The following TSHR variants were observed in gnomAD, a reference collection of about 807,000 sequenced individuals.
TSHR encodes thyroid stimulating hormone receptor.
A neutral mutation model predicts 64.1 loss-of-function variants in TSHR; 51 were observed. The observed-to-expected ratio is 0.80, with a 90% CI of 0.64 to 1.01. The LOEUF is 1.01. Among genes scored for constraint, TSHR ranks in the 50% least tolerant of loss-of-function variants. The probability of loss-of-function intolerance (pLI) is 0.00; values close to 1 mark genes in which losing one functional copy is unlikely to be tolerated. For synonymous variants in TSHR, 361 were observed against 361.9 expected (o/e 1.00, Z 0.03); for missense variants, 877 against 942.8 (o/e 0.93, Z 0.91).
chr14:81,126,671 A>G (rs538081268), intron 8 of TSHR, among the ~76,000 whole-genome samples: 2 of 152,308 alleles, frequency 1.3e-5, no homozygotes, highest in East Asian at 3.9e-4. Context: ...TAAATTCTGA[A>G]CCATTTTATT....
At chr14:81,118,489 AAGG>A (rs1196781855) in intron 8 of TSHR, among the ~76,000 whole-genome samples, 1 of 148,904 alleles carries the variant, frequency 6.7e-6, no homozygotes, top group African/African-American at 2.5e-5. Context: ...GGACCTCTTC[AAGG>A]AGAACTACAA....
chr14:81,056,093 A>C (rs1441404919), intron 1 of TSHR, among the ~76,000 whole-genome samples: 1 of 152,130 alleles, frequency 6.6e-6, no homozygotes, highest in Non-Finnish European at 1.5e-5. Flanking sequence ...TTCTCATGAT[A>C]GTGAATAAGC....
At chr14:81,093,729 G>A (rs981235815) in intron 6 of TSHR, 3 of 152,218 alleles carry the variant, frequency 2.0e-5, no homozygotes, top group African/African-American at 7.2e-5. Flanking sequence ...ACAACCTGGT[G>A]AGCGGTCCCT....
At chr14:80,958,606 G>A (rs1886840821) in intron 1 of TSHR, among the ~76,000 whole-genome samples, 1 of 152,116 alleles carries the variant, frequency 6.6e-6, no homozygotes, top group African/African-American at 2.4e-5. Flanking sequence ...TGGAAGAGAG[G>A]CAAGGAGGAC....
rs991954183 is a variant in TSHR, at chr14:81,103,079, C to G, written c.615-5296C>G. The G allele has an allele frequency of 5.1e-6, 5 of 985,104 alleles. No individual in the cohort carries two copies. The African/African-American group carries it at 8.7e-5, about 17-fold the overall frequency. The allele number at this position is 985,104 out of a possible 1,614,324, so 61.0% of individuals were successfully genotyped here. ...TTCAGTAAAAGGTATCATGTAAATC[C>G]AGTGTAAAATCAAAATGATGGTTGT... On this transcript the variant is annotated intron_variant, in intron 7 of 9. Transcript: ENST00000298171. The surrounding 1 kb of genome is among the most constrained non-coding windows in gnomAD (Gnocchi z 4.1).
intron 1 of TSHR, chr14:80,957,928 C>T (rs1461835755): frequency 6.6e-6 from 1 of 152,016 alleles, no homozygotes; most frequent in Non-Finnish European, 1.5e-5. Context: ...GGAGGATCTG[C>T]CCTTGAGAAT....
chr14:81,142,748 C>T (rs1464450426), intron 9 of TSHR, among the ~76,000 whole-genome samples, 192 bp from the exon 10 acceptor site: 1 of 151,548 alleles, frequency 6.6e-6, no homozygotes, highest in Non-Finnish European at 1.5e-5. Context: ...TAGCTACGAC[C>T]ATAGGCACAT....
At chr14:81,111,370 G>C (rs995333181) in intron 8 of TSHR, among the ~76,000 whole-genome samples, 3 of 152,208 alleles carry the variant, frequency 2.0e-5, no homozygotes, top group Non-Finnish European at 4.4e-5. Flanking sequence ...AGTAGCAGTA[G>C]TCTAGATGAT....
At chr14:80,991,962 GT>G (rs1888747243) in intron 1 of TSHR, 1 of 194,002 alleles carries the variant, frequency 5.2e-6, no homozygotes. Flanking sequence ...AGGATAAAAG[GT>G]GCTTTTCATT....
Position 81,143,659 on chromosome 14 carries a change from G to C in TSHR, c.1601G>C (p.Arg534Pro), listed in dbSNP as rs536364705. 6.2e-7 allele frequency: 1 copy of C among 1,613,936 alleles called. No individual in the cohort carries two copies. Among genetic ancestry groups the C allele is most frequent in the Non-Finnish European group, 8.5e-7 (1 of 1,180,028 alleles). Residue 534 changes from arginine to proline, a missense_variant, in exon 10 of 10, where the codon CGC becomes CCC. Coordinates refer to ENST00000298171, the MANE Select transcript of TSHR (RefSeq NM_000369.5). ...GCCATGCGCCTGGACCGGAAGATCC[G>C]CCTCAGGCACGCATGTGCCATCATG... The part of the protein sequence containing the change: ...TFAMRLDRKI[R>P]LRHACAIMVG...
At chr14:81,013,349 G>A (rs1307622119) in intron 1 of TSHR, 1 of 152,212 alleles carries the variant, frequency 6.6e-6, no homozygotes, top group Non-Finnish European at 1.5e-5. Flanking sequence ...CTGTAGCCTT[G>A]TAGTATAGTT....
chr14:81,108,711 A>C (rs750159230), intron 8 of TSHR: 2 of 1,613,576 alleles, frequency 1.2e-6, no homozygotes, highest in African/African-American at 1.3e-5. Flanking sequence ...CTTGGTGTAC[A>C]TGCTCACAGA....
chr14:81,131,439 T>TCAC (rs1891244168), intron 8 of TSHR, among the ~76,000 whole-genome samples: 1 of 152,216 alleles, frequency 6.6e-6, no homozygotes, highest in African/African-American at 2.4e-5. Context: ...CTCTGCAGCC[T>TCAC]TTTGATCTCA....
At chr14:81,091,656 C>G (rs1448148031) in intron 5 of TSHR, among the ~76,000 whole-genome samples, 1 of 152,180 alleles carries the variant, frequency 6.6e-6, no homozygotes, top group Non-Finnish European at 1.5e-5. Context: ...AAACACTTTC[C>G]CACACATGAC....
chr14:80,986,006 G>A (rs1031662900), intron 1 of TSHR, among the ~76,000 whole-genome samples: 1 of 152,130 alleles, frequency 6.6e-6, no homozygotes, highest in African/African-American at 2.4e-5. Context: ...GCATCCTGAG[G>A]CTGGCGATTC....
chr14:81,047,620 C>G (rs187079975), intron 1 of TSHR, among the ~76,000 whole-genome samples: 16 of 151,468 alleles, frequency 1.1e-4, no homozygotes, highest in South Asian at 2.1e-4. Flanking sequence ...AGGACAGCTC[C>G]TTTCCAGAAC....
intron 1 of TSHR, among the ~76,000 whole-genome samples, chr14:80,958,908 G>C (rs1047170822): frequency 1.3e-5 from 2 of 152,190 alleles, no homozygotes. Flanking sequence ...TGTTCCTGTA[G>C]AGTTATTTGC....
chr14:80,991,123 T>C (rs911174791), intron 1 of TSHR, among the ~76,000 whole-genome samples: 1 of 152,238 alleles, frequency 6.6e-6, no homozygotes, highest in Non-Finnish European at 1.5e-5. Flanking sequence ...CATATGATGT[T>C]ATGATTCTAC....
In TSHR at chr14:80,968,634, TC is replaced by T. The variant is rs1249299500; in HGVS notation, c.170+12786del. On this transcript the variant is annotated intron_variant, in intron 1 of 9. Transcript: ENST00000298171. ...CTGATGGAAAGACCCAGACTTCAGC[TC>T]CAAGGGTTCTGAAAGCTTAGTTGCC... 2.0e-5 allele frequency among the ~76,000 whole-genome samples: 3 copies of T among 152,326 alleles called. No individual in the cohort carries two copies. In the South Asian group the frequency reaches 6.2e-4, roughly 32 times the overall value.
Sources: allele counts gnomAD v4.1 joint callset (sites outside exome capture counted in the v4.1 genomes callset), GRCh38; gene constraint gnomAD v4.1.1; non-coding constraint Gnocchi (gnomAD v3.1); transcripts MANE v1.5; gene names NCBI Gene and HGNC (gene_info 2026-07-23, HGNC 2026-07-21).